The following RAVER2 variants were observed in gnomAD, a reference collection of about 807,000 sequenced individuals.
The protein encoded by RAVER2 is ribonucleoprotein PTB-binding 2.
RAVER2 carries 46 observed loss-of-function variants against 78.1 expected under a neutral mutation model. The observed-to-expected ratio is 0.59, with a 90% CI of 0.46 to 0.75. The LOEUF is 0.75. Among genes scored for constraint, RAVER2 ranks in the 30% least tolerant of loss-of-function variants. The pLI is 0.00. For synonymous variants in RAVER2, 311 were observed against 313.3 expected (o/e 0.99, Z 0.08); for missense variants, 793 against 837.5 (o/e 0.95, Z 0.66).
exon 9 of RAVER2, chr1:64,807,368 C>G: frequency 1.2e-6 from 2 of 1,614,086 alleles, no homozygotes; most frequent in Non-Finnish European, 1.7e-6. Flanking sequence ...TTCTCAGGGT[C>G]GCAGCCTTAT....
chr1:64,746,399 T>C (rs1045139434), intron 1 of RAVER2, among the ~76,000 whole-genome samples: 3 of 152,228 alleles, frequency 2.0e-5, no homozygotes, highest in African/African-American at 7.2e-5. Context: ...GTTTCACATA[T>C]AACCTGAATT....
chr1:64,814,564 TGC>T, intron 10 of RAVER2, 138 bp from the exon 11 acceptor site: 1 of 449,506 alleles, frequency 2.2e-6, no homozygotes, highest in Non-Finnish European at 3.1e-6. Context: ...TTTGATAATG[TGC>T]TGAGTTACAA....
At chr1:64,775,816 C>T (rs994884250) in intron 2 of RAVER2, among the ~76,000 whole-genome samples, 6 of 151,882 alleles carry the variant, frequency 4.0e-5, no homozygotes, top group Non-Finnish European at 8.8e-5. Context: ...GTCAGGAGTT[C>T]GAGACCAGCT....
chr1:64,768,101 T>G (rs1269869729), intron 1 of RAVER2, among the ~76,000 whole-genome samples: 3 of 152,040 alleles, frequency 2.0e-5, no homozygotes, highest in Non-Finnish European at 4.4e-5. Flanking sequence ...TTTTTACAAT[T>G]TATTTTTTCT....
intron 1 of RAVER2, among the ~76,000 whole-genome samples, chr1:64,764,338 C>T (rs1652114784): frequency 6.7e-6 from 1 of 148,176 alleles, no homozygotes; most frequent in Non-Finnish European, 1.5e-5. Flanking sequence ...GTTGATTACC[C>T]ATATAGGAAA....
intron 4 of RAVER2, among the ~76,000 whole-genome samples, chr1:64,783,757 G>A (rs528443363): frequency 1.3e-5 from 2 of 152,212 alleles, no homozygotes; most frequent in South Asian, 4.1e-4. Context: ...TACCATTCAG[G>A]ACATAGGCAT....
Position 64,752,370 on chromosome 1 carries a change from G to C in RAVER2, c.249+6949G>C, listed in dbSNP as rs1330340456. Among the ~76,000 whole-genome samples the C allele has an allele frequency of 7.9e-5, 12 of 152,310 alleles. No individual in the cohort carries two copies. The East Asian group carries it at 2.3e-3, about 29-fold the overall frequency. On this transcript the variant is annotated intron_variant, in intron 1 of 11. Transcript: ENST00000294428. The stretch of plus-strand genomic sequence containing the variant: ...CCCTCCATACCACCCAGCTCTCCTG[G>C]TTATCATAACCATTCTTCTTGTCTC...
intron 9 of RAVER2, among the ~76,000 whole-genome samples, chr1:64,812,362 C>CAAA (rs61411897): frequency 0.12 from 8,570 of 69,322 alleles, 551 homozygotes; most frequent in African/African-American, 0.17. Context: ...ATTCCATCTC[C>CAAA]AAAAAAAAAA....
chr1:64,810,053 G>C (rs1451982319), intron 9 of RAVER2, among the ~76,000 whole-genome samples: 1 of 152,134 alleles, frequency 6.6e-6, no homozygotes, highest in Non-Finnish European at 1.5e-5. Flanking sequence ...GTGAACATTG[G>C]TATCTGAGTC....
chr1:64,794,989 A>G (rs543345962), intron 5 of RAVER2, among the ~76,000 whole-genome samples: 1 of 151,996 alleles, frequency 6.6e-6, no homozygotes, highest in South Asian at 2.1e-4. Context: ...AGTTAATTTT[A>G]GTTTGTAGTA....
chr1:64,831,607 T>C (rs1391941500), exon 12 of RAVER2: 2 of 152,198 alleles, frequency 1.3e-5, no homozygotes, highest in East Asian at 1.9e-4. Flanking sequence ...TTACCATTTA[T>C]ACCTTCTGTG....
Position 64,812,823 on chromosome 1 carries a change from G to GTGTGT in RAVER2, c.1769_1773dup (p.Pro592CysfsTer58). ...AAAAATCCATACTTGAATTTGGCAA[G>GTGTGT]TGTGTTGCCCAGTGTGTGCTTATCA... On this transcript the variant is annotated frameshift_variant, in exon 10 of 12. Coordinates refer to ENST00000294428, the Ensembl canonical transcript of RAVER2. LOFTEE classifies it high-confidence loss of function. 6.2e-7 allele frequency: 1 copy of GTGTGT among 1,611,776 alleles called. No individual in the cohort carries two copies.
rs979024702 is a variant in RAVER2 at position 64,745,871 on chromosome 1, G to C, written c.249+450G>C. On this transcript the variant is annotated intron_variant, in intron 1 of 11. Transcript: ENST00000294428. This position sits in a 1 kb window ranked among gnomAD's most constrained non-coding sequence, Gnocchi z 4.3. ...TCCCCGGTGCTCGGGAGTGCCATAG[G>C]GGGCAGGGGCACGAGAGAGCTGGGA... Among the ~76,000 whole-genome samples, 1 of 152,168 alleles carries C rather than the reference G, an allele frequency of 6.6e-6. No individual in the cohort carries two copies. The highest frequency in any genetic ancestry group is 1.5e-5 in the Non-Finnish European group (1 of 68,036).
At chr1:64,767,889 C>T (rs1377992387) in intron 1 of RAVER2, among the ~76,000 whole-genome samples, 1 of 151,808 alleles carries the variant, frequency 6.6e-6, no homozygotes, top group Non-Finnish European at 1.5e-5. Context: ...CTTTTGGGCA[C>T]CCAAGTGGAT....
upstream of RAVER2, chr1:64,745,083 G>T: frequency 1.5e-5 from 15 of 995,598 alleles, no homozygotes; most frequent in Non-Finnish European, 1.7e-5. This position sits in a 1 kb window ranked among gnomAD's most constrained non-coding sequence, Gnocchi z 4.3. Context: ...GCCTCTGCCC[G>T]CCTCGCCCTC....
chr1:64,764,218 G>A (rs1159944278), intron 1 of RAVER2, among the ~76,000 whole-genome samples: 2 of 152,002 alleles, frequency 1.3e-5, no homozygotes, highest in South Asian at 4.1e-4. Context: ...AATAGAACCA[G>A]AAGCAAGAGA....
At position 64,759,067 on chromosome 1, in the gene RAVER2, A is replaced by T. The variant is rs148457226; in HGVS notation, c.250-9589A>T. ...AAACTGCTCAAGGAGAACCTTTTAT[A>T]GTTAGATATGTAATGTTAATTAATT... On this transcript the variant is annotated intron_variant, in intron 1 of 11. Coordinates refer to ENST00000294428, the Ensembl canonical transcript of RAVER2. 6.7e-3 allele frequency among the ~76,000 whole-genome samples: 1,022 copies of T among 151,940 alleles called. 17 individuals are homozygous for T. The highest frequency in any genetic ancestry group is 0.023 in the African/African-American group (954 of 41,500).
intron 11 of RAVER2, among the ~76,000 whole-genome samples, chr1:64,821,396 A>G (rs897169197): frequency 6.6e-6 from 1 of 152,092 alleles, no homozygotes; most frequent in African/African-American, 2.4e-5. Flanking sequence ...GAGGCTCTTA[A>G]TTAGATTCCA....
chr1:64,766,349 A>G (rs1026990716), intron 1 of RAVER2, among the ~76,000 whole-genome samples: 1 of 152,148 alleles, frequency 6.6e-6, no homozygotes, highest in South Asian at 2.1e-4. Context: ...GCAAATGGTT[A>G]TTGGGACTCT....
Sources: gnomAD v4.1 joint callset for allele counts (sites outside exome capture counted in the v4.1 genomes callset) on GRCh38, gnomAD v4.1.1 for gene constraint, Gnocchi (gnomAD v3.1) non-coding constraint, MANE v1.5 for transcripts, NCBI Gene and HGNC (gene_info 2026-07-23, HGNC 2026-07-21) for gene names.